The following SPTBN4 variants were observed in gnomAD, a reference collection of about 807,000 sequenced individuals.
SPTBN4 encodes spectrin beta chain, non-erythrocytic 4.
A neutral mutation model predicts 277.8 loss-of-function variants in SPTBN4; 96 were observed. The observed-to-expected ratio is 0.35, with a 90% CI of 0.29 to 0.41. The LOEUF (loss-of-function observed/expected upper bound fraction) is 0.41. SPTBN4 is among the 10% of genes least tolerant of loss of function. The pLI is 1.00. For synonymous variants in SPTBN4, 1,481 were observed against 1,580.3 expected (o/e 0.94, Z 1.49); for missense variants, 3,006 against 3,595.7 (o/e 0.84, Z 4.19).
At chr19:40,477,154 C>T (rs903080195) in intron 2 of SPTBN4, among the ~76,000 whole-genome samples, 3 of 151,838 alleles carry the variant, frequency 2.0e-5, no homozygotes, top group Non-Finnish European at 4.4e-5. Flanking sequence ...ATCCTCCCAC[C>T]GTAGCCTCCC....
intron 20 of SPTBN4, among the ~76,000 whole-genome samples, chr19:40,548,355 G>T (rs1047110254): frequency 6.6e-6 from 1 of 152,048 alleles, no homozygotes; most frequent in African/African-American, 2.4e-5. Flanking sequence ...GCAAGGCATG[G>T]TGTCAGGTGC....
intron 31 of SPTBN4, 151 bp from the exon 32 acceptor site, chr19:40,569,506 C>A (rs1180469745): frequency 3.4e-5 from 24 of 708,244 alleles, no homozygotes; most frequent in Non-Finnish European, 2.4e-6. Context: ...ACCTGTGGTA[C>A]CTAAGGCGAG....
intron 21 of SPTBN4, among the ~76,000 whole-genome samples, 154 bp from the exon 22 acceptor site, chr19:40,550,083 GA>G (rs111998273): frequency 3.2e-4 from 43 of 135,752 alleles, no homozygotes; most frequent in East Asian, 1.5e-3. Flanking sequence ...CCATCTCAAA[GA>G]AAAAAAAAAA....
chr19:40,570,613 C>G lies in SPTBN4; in HGVS notation c.7204C>G (p.Pro2402Ala). Residue 2402 changes from proline to alanine, a missense_variant, in exon 33 of 36, where the codon CCG becomes GCG. Physicochemically the swap from Pro to Ala is conservative, Grantham distance 27. This residue lies in a region of SPTBN4 where 630 missense variants were observed against 677.6 expected (regional missense o/e 0.93). Coordinates refer to ENST00000598249, the MANE Select transcript of SPTBN4 (RefSeq NM_020971.3). ...GGGAAGCCGGCGCTCGCGCTCCGCC[C>G]CGGCCCAGGGCGGCTCCGCCCCCGC... ...GGGSRRSRSA[P>A]AQGGSAPAPP... is the part of the protein sequence containing the mutation. 1 of 1,420,238 alleles carries G rather than the reference C, an allele frequency of 7.0e-7. No individual in the cohort carries two copies. Among genetic ancestry groups the G allele is most frequent in the Middle Eastern group, 2.1e-4 (1 of 4,762 alleles). 88.0% of individuals were successfully genotyped at this position (1,420,238 alleles called of 1,614,324 possible).
intron 20 of SPTBN4, among the ~76,000 whole-genome samples, chr19:40,546,446 A>G (rs776716665): frequency 6.6e-6 from 1 of 151,960 alleles, no homozygotes; most frequent in Non-Finnish European, 1.5e-5. Context: ...CTGGAGGCCT[A>G]TTGTGTACCA....
Position 40,523,519 on chromosome 19 carries a change from C to A in SPTBN4, c.3737C>A (p.Thr1246Asn), listed in dbSNP as rs144445272. ...TTGAAACAGCACCGTGACTTTCTCA[C>A]CACCATGGAGCTGAGCCAGCAAAAG... ...EALKQHRDFL[T>N]TMELSQQKMQ... Residue 1246 changes from threonine to asparagine, a missense_variant, in exon 17 of 36, where the codon ACC (threonine) becomes AAC (asparagine). Physicochemically the swap from Thr to Asn is moderately conservative, Grantham distance 65 (BLOSUM62 0). Around this residue, in one of 5 missense-constraint regions of SPTBN4, gnomAD observed 1,759 missense variants for 2,061.5 expected, o/e 0.85. Transcript: ENST00000598249. 2 of 1,614,054 alleles carry A rather than the reference C, an allele frequency of 1.2e-6. No individual in the cohort carries two copies. Among genetic ancestry groups the A allele is most frequent in the Non-Finnish European group, 8.5e-7 (1 of 1,180,038 alleles).
Position 40,570,441 on chromosome 19 carries a change from G to A in SPTBN4, c.7032G>A (p.Ser2344=). The part of the protein sequence containing the change: ...EAGPGLPAGP[S]LPQPRELPPG... Reference sequence around the variant, plus strand: ...TTCCCCCTCCCTTCACACAGCCGTCGCTGCCTCAGCCACGCGAGCTTCCCC... The same window carrying A: ...TTCCCCCTCCCTTCACACAGCCGTCACTGCCTCAGCCACGCGAGCTTCCCC... Residue 2344 remains serine, a synonymous_variant, in exon 33 of 36, where the codon TCG becomes TCA. Transcript: ENST00000598249. 3 of 1,558,588 alleles carry A rather than the reference G, an allele frequency of 1.9e-6. No homozygotes were observed. The highest frequency in any genetic ancestry group is 1.1e-5 in the South Asian group (1 of 88,450).
chr19:40,550,088 A>T (rs1408930664), intron 21 of SPTBN4, 150 bp from the exon 22 acceptor site: 3 of 620,936 alleles, frequency 4.8e-6, no homozygotes, highest in Non-Finnish European at 8.3e-6. Context: ...TCAAAGAAAA[A>T]AAAAAAACAA....
chr19:40,560,540 G>A lies in SPTBN4; in HGVS notation c.5915+137G>A, dbSNP rs780009939. On this transcript the variant is annotated intron_variant, in intron 27 of 35. Transcript: ENST00000598249. The surrounding 1 kb of genome is among the most constrained non-coding windows in gnomAD (Gnocchi z 5.2). Reference sequence around the variant, plus strand: ...GTGGCGCCTCTGTGTGCTAGGCACTGTTCTAGGTGCTTCGTGTGTATTCAG... The same window carrying A: ...GTGGCGCCTCTGTGTGCTAGGCACTATTCTAGGTGCTTCGTGTGTATTCAG... The A allele has an allele frequency of 1.3e-6, 2 of 1,546,898 alleles. No individual in the cohort carries two copies. The highest frequency in any genetic ancestry group is 1.7e-6 in the Non-Finnish European group (2 of 1,147,010).
At chr19:40,570,907 GCA>G in intron 33 of SPTBN4, 179 bp downstream of exon 33, 1 of 586,140 alleles carries the variant, frequency 1.7e-6, no homozygotes, top group South Asian at 2.8e-5. Context: ...CAACCAATGA[GCA>G]GGAGGGGGTG....
chr19:40,498,698 C>T (rs1399780334), intron 7 of SPTBN4, among the ~76,000 whole-genome samples: 1 of 148,622 alleles, frequency 6.7e-6, no homozygotes, highest in Non-Finnish European at 1.5e-5. Context: ...GCCACCATGC[C>T]CGGCCTATTT....
At chr19:40,553,879 T>C (rs2080945422) in intron 22 of SPTBN4, among the ~76,000 whole-genome samples, 1 of 152,172 alleles carries the variant, frequency 6.6e-6, no homozygotes, top group Admixed American at 6.5e-5. Flanking sequence ...GCCTCCTGTG[T>C]TCAAATCCTG....
intron 30 of SPTBN4, chr19:40,566,973 T>TA (rs113655225): frequency 0.064 from 14,038 of 217,744 alleles, 36 homozygotes; most frequent in South Asian, 0.1. Context: ...ACAACAACAA[T>TA]AAAAAAAAAA....
At position 40,557,287 on chromosome 19, in the gene SPTBN4, G is replaced by A. The variant is rs1455795745; in HGVS notation, c.5554G>A (p.Glu1852Lys). Residue 1852 changes from glutamate to lysine, a missense_variant, in exon 26 of 36, where the codon GAG becomes AAG. Physicochemically the swap from Glu to Lys is moderately conservative, Grantham distance 56. Coordinates refer to ENST00000598249, the MANE Select transcript of SPTBN4 (RefSeq NM_020971.3). Reference protein sequence around the residue: ...DARELQGQIEEKRRRLPRLTT... With the variant: ...DARELQGQIEKKRRRLPRLTT... ...CCGAGAGCTTCAGGGACAGATTGAG[G>A]AGAAGCGGAGGCGGCTGCCCCGCCT... 6.2e-7 allele frequency: 1 copy of A among 1,613,570 alleles called. No homozygotes were observed. The highest frequency in any genetic ancestry group is 2.2e-5 in the East Asian group (1 of 44,864).
intron 2 of SPTBN4, among the ~76,000 whole-genome samples, chr19:40,474,447 T>C (rs1388860064): frequency 1.3e-5 from 2 of 151,354 alleles, no homozygotes; most frequent in Non-Finnish European, 2.9e-5. Flanking sequence ...TTTTTTTTTT[T>C]TGAGTCAGGG....
chr19:40,519,592 A>C lies in SPTBN4; in HGVS notation c.3095A>C (p.Gln1032Pro), dbSNP rs927989217. The change falls in exon 16 of 36, where the codon CAG becomes CCG. Residue 1032 changes from glutamine to proline, a missense_variant. By Grantham distance (76) the Gln-to-Pro change is moderately conservative. This residue lies in a region of SPTBN4 where 1,759 missense variants were observed against 2,061.5 expected (regional missense o/e 0.85). Coordinates refer to ENST00000598249, the MANE Select transcript of SPTBN4 (RefSeq NM_020971.3). The surrounding 1 kb of genome is among the most constrained non-coding windows in gnomAD (Gnocchi z 5.7). ...CTTAGCGGCCTAGAGGCCGCTCTGCAGGCGCTGGAGCCGCGCCAGGCGGCC... is the reference window on the plus strand; with the variant it reads ...CTTAGCGGCCTAGAGGCCGCTCTGCCGGCGCTGGAGCCGCGCCAGGCGGCC... The part of the protein sequence containing the change: ...WRLSGLEAAL[Q>P]ALEPRQAALL... 7 of 1,477,066 alleles carry C rather than the reference A, an allele frequency of 4.7e-6. No homozygotes were observed. The African/African-American group carries it at 7.4e-5, about 16-fold the overall frequency. 91.5% of individuals were successfully genotyped at this position (1,477,066 alleles called of 1,614,324 possible).
rs1190538326 is a variant in SPTBN4 at position 40,519,974 on chromosome 19, C to G, written c.3477C>G (p.Ala1159=). Residue 1159 remains alanine (A), a synonymous_variant, in exon 16 of 36, where the codon GCC becomes GCG. Transcript: ENST00000598249. The surrounding 1 kb of genome is among the most constrained non-coding windows in gnomAD (Gnocchi z 5.7). The stretch of plus-strand genomic sequence containing the variant: ...CGGCCAGCGAGGCGCTGCTGGCCGC[C>G]GACGGCGCAGAGCTGGGCCCGGGCC... The part of the protein sequence containing the change: ...IVAASEALLA[A]DGAELGPGLA... 4 of 1,541,564 alleles carry G rather than the reference C, an allele frequency of 2.6e-6. No homozygotes were observed. Among genetic ancestry groups the G allele is most frequent in the South Asian group, 1.2e-5 (1 of 81,802 alleles).
At chr19:40,553,574 A>C (rs1272067702) in intron 22 of SPTBN4, among the ~76,000 whole-genome samples, 1 of 152,180 alleles carries the variant, frequency 6.6e-6, no homozygotes, top group Non-Finnish European at 1.5e-5. Flanking sequence ...GACTCACAAA[A>C]AGTTAAATAA....
At chr19:40,528,608 C>G (rs1017580963) in intron 17 of SPTBN4, among the ~76,000 whole-genome samples, 1 of 152,170 alleles carries the variant, frequency 6.6e-6, no homozygotes, top group Non-Finnish European at 1.5e-5. Context: ...TCTGCTGCTC[C>G]CTGAGTTTCT....
Sources: gnomAD v4.1 joint callset for allele counts (sites outside exome capture counted in the v4.1 genomes callset) on GRCh38, gnomAD v4.1.1 for gene constraint, gnomAD v4.1.1 regional missense constraint, Gnocchi (gnomAD v3.1) non-coding constraint, MANE v1.5 for transcripts, NCBI Gene and HGNC (gene_info 2026-07-23, HGNC 2026-07-21) for gene names.